Variants in GALNT6 observed in about 807,000 individuals in gnomAD.
The protein encoded by GALNT6 is polypeptide N-acetylgalactosaminyltransferase 6, also known as GalNAc transferase 6.
A neutral mutation model predicts 65.9 loss-of-function variants in GALNT6; 51 were observed. That is an observed-to-expected ratio of 0.77 (90% CI 0.62 to 0.98). GALNT6 has a LOEUF of 0.98. Among genes scored for constraint, GALNT6 ranks in the 50% least tolerant of loss-of-function variants. GALNT6 has a pLI of 0.00. For synonymous variants in GALNT6, 323 were observed against 315.1 expected, an observed-to-expected ratio of 1.02 and a Z score of -0.26; for missense variants, 708 against 803.3, an observed-to-expected ratio of 0.88 and a Z score of 1.43.
chr12:51,359,649 C>T, intron 7 of GALNT6: 1 of 229,526 alleles, frequency 4.4e-6, no homozygotes, highest in Non-Finnish European at 8.4e-6. Context: ...CTACTCTGAG[C>T]TCTGATCACT....
chr12:51,379,410 C>T lies in GALNT6; in HGVS notation c.372G>A (p.Lys124=). Residue 124 remains lysine, a synonymous_variant, in exon 3 of 12, where the codon AAG becomes AAA. Coordinates refer to ENST00000356317, the MANE Select transcript of GALNT6 (RefSeq NM_007210.4). ...GADGKAFQKS[K]WTPLETQEKE... ...TTTCCTGGGTCTCCAGGGGGGTCCA[C>T]TTGCTCTTCTGAAATGCTTTTCCAT... The T allele has an allele frequency of 6.2e-7, 1 of 1,609,134 alleles. No homozygotes were observed. The highest frequency in any genetic ancestry group is 8.5e-7 in the Non-Finnish European group (1 of 1,177,590).
intron 7 of GALNT6, among the ~76,000 whole-genome samples, chr12:51,360,492 C>G (rs577501175): frequency 2.0e-5 from 3 of 152,290 alleles, no homozygotes; most frequent in African/African-American, 7.2e-5. Context: ...TTCCTTGCCT[C>G]TGAGAAGTTG....
chr12:51,364,212 G>A lies in GALNT6; in HGVS notation c.958C>T (p.Arg320Ter), dbSNP rs760495034. 6 of 1,613,962 alleles carry A rather than the reference G, an allele frequency of 3.7e-6. No individual in the cohort carries two copies. The highest frequency in any genetic ancestry group is 2.7e-5 in the African/African-American group (2 of 74,908). The change falls in exon 6 of 12, where the codon CGA becomes TGA. Residue 320 changes from arginine (R) to a stop codon, truncating the protein, a stop_gained. Coordinates refer to ENST00000356317, the MANE Select transcript of GALNT6 (RefSeq NM_007210.4). LOFTEE classifies it high-confidence loss of function. ...KPVQRGRVHS[R>*]GNFDWSLTFG... The stretch of plus-strand genomic sequence containing the variant: ...GTCAGGCTCCAGTCAAAGTTGCCTC[G>A]GCTATGGACTCTGCCCCTCTGGACG...
chr12:51,375,417 A>C (rs1377026758), intron 4 of GALNT6, among the ~76,000 whole-genome samples: 3 of 152,144 alleles, frequency 2.0e-5, no homozygotes, highest in Non-Finnish European at 2.9e-5. Flanking sequence ...TACATACTCC[A>C]TGGTGCATTG....
chr12:51,374,324 A>G (rs1380677387), intron 4 of GALNT6, among the ~76,000 whole-genome samples: 1 of 151,596 alleles, frequency 6.6e-6, no homozygotes, highest in East Asian at 1.9e-4. Flanking sequence ...AAATACCACC[A>G]TGCCTGCTAA....
chr12:51,375,776 C>T (rs1198659685), intron 4 of GALNT6, among the ~76,000 whole-genome samples: 3 of 151,754 alleles, frequency 2.0e-5, no homozygotes, highest in East Asian at 1.9e-4. Flanking sequence ...CGGGCTGTCT[C>T]GAACTCCTGA....
intron 6 of GALNT6, among the ~76,000 whole-genome samples, chr12:51,361,780 T>C (rs1946931364): frequency 1.3e-5 from 2 of 151,908 alleles, no homozygotes; most frequent in Non-Finnish European, 2.9e-5. Flanking sequence ...CATCAGCTGC[T>C]GGTTTCTGTT....
In GALNT6 at chr12:51,367,244, C is replaced by T. The variant is rs186327037; in HGVS notation, c.665-1665G>A. 1.2e-4 allele frequency among the ~76,000 whole-genome samples: 18 copies of T among 151,718 alleles called. No homozygotes were observed. The East Asian group carries it at 1.9e-3, about 16-fold the overall frequency. On this transcript the variant is annotated intron_variant, in intron 4 of 11. Coordinates refer to ENST00000356317, the MANE Select transcript of GALNT6 (RefSeq NM_007210.4). ...TGCACTCCAGCCTGGGCAACAAGAGCGAAACTCCGTCTCAAAAAAACCAAA... is the reference window on the plus strand; with the variant it reads ...TGCACTCCAGCCTGGGCAACAAGAGTGAAACTCCGTCTCAAAAAAACCAAA...
Position 51,364,143 on chromosome 12 carries a change from T to C in GALNT6, c.1027A>G (p.Lys343Glu), listed in dbSNP as rs1241763865. Residue 343 changes from lysine to glutamate, a missense_variant, in exon 6 of 12, where the codon AAG becomes GAG. Physicochemically the swap from Lys to Glu is moderately conservative, Grantham distance 56 (BLOSUM62 1). Transcript: ENST00000356317. ...TACTTGATGGGGTAGGTTTCATCCT[T>C]GCGCCTCTGCTTCTCATGTGGAGGA... Reference protein sequence around the residue: ...TLPPHEKQRRKDETYPIKSPT... With the variant: ...TLPPHEKQRREDETYPIKSPT... The C allele has an allele frequency of 3.1e-6, 5 of 1,614,002 alleles. No individual in the cohort carries two copies. Among genetic ancestry groups the C allele is most frequent in the South Asian group, 1.1e-5 (1 of 91,078 alleles).
intron 10 of GALNT6, among the ~76,000 whole-genome samples, 191 bp downstream of exon 10, chr12:51,357,158 C>T (rs1017287322): frequency 3.3e-5 from 5 of 152,164 alleles, no homozygotes; most frequent in Admixed American, 3.3e-4. Flanking sequence ...ACACCCAGCA[C>T]CGATGCCTCG....
At chr12:51,356,867 T>G (rs1194995801) in intron 10 of GALNT6, among the ~76,000 whole-genome samples, 1 of 152,210 alleles carries the variant, frequency 6.6e-6, no homozygotes, top group East Asian at 1.9e-4. Context: ...CACCTACATA[T>G]GCCAGCGGGC....
chr12:51,384,942 A>G (rs1317335363), intron 2 of GALNT6, among the ~76,000 whole-genome samples: 1 of 152,100 alleles, frequency 6.6e-6, no homozygotes, highest in Admixed American at 6.6e-5. Context: ...GAAAATATCA[A>G]AGTGCATCAT....
At chr12:51,380,929 A>T (rs908062958) in intron 2 of GALNT6, among the ~76,000 whole-genome samples, 2 of 152,112 alleles carry the variant, frequency 1.3e-5, no homozygotes, top group African/African-American at 4.8e-5. Flanking sequence ...GGTGGACTGT[A>T]ATTCTTTAGA....
At position 51,365,431 on chromosome 12, in the gene GALNT6, G is replaced by A; in HGVS notation, c.813C>T (p.His271=). 1 of 1,609,096 alleles carries A rather than the reference G, an allele frequency of 6.2e-7. No individual in the cohort carries two copies. The highest frequency in any genetic ancestry group is 8.5e-7 in the Non-Finnish European group (1 of 1,177,816). The change falls in exon 5 of 12, where the codon CAC becomes CAT. Residue 271 remains histidine, a splice_region_variant and synonymous_variant. Coordinates refer to ENST00000356317, the MANE Select transcript of GALNT6 (RefSeq NM_007210.4). ...QAEVLTFLDA[H]CECFHGWLEP... is the part of the protein sequence containing the mutation. ...CCAGGCCGGTGCCCTGGTACTCACAGTGGGCATCCAGGAACGTGAGCACCT... is the reference window on the plus strand; with the variant it reads ...CCAGGCCGGTGCCCTGGTACTCACAATGGGCATCCAGGAACGTGAGCACCT...
intron 2 of GALNT6, among the ~76,000 whole-genome samples, chr12:51,385,109 C>T (rs1368011599): frequency 6.6e-6 from 1 of 152,072 alleles, no homozygotes; most frequent in Non-Finnish European, 1.5e-5. Flanking sequence ...CTACCTCAGC[C>T]TCTGGAGTAG....
In GALNT6 at chr12:51,353,759, G is replaced by GT. The variant is rs962165351; in HGVS notation, c.*619dup. On this transcript the variant is annotated 3_prime_UTR_variant, in exon 12 of 12. Coordinates refer to ENST00000356317, the MANE Select transcript of GALNT6 (RefSeq NM_007210.4). ...AGAAGTACTTTTCTTCTTCTTTTTT[G>GT]TTTTTTTTTGAGACAGAGTCTTACC... 3.1e-4 allele frequency: 47 copies of GT among 150,256 alleles called. No individual in the cohort carries two copies. The highest frequency in any genetic ancestry group is 7.0e-3 in the Middle Eastern group (2 of 286). The allele number at this position is 150,256 out of a possible 1,614,324, so 9.3% of individuals were successfully genotyped here. A position where few individuals can be genotyped will look rare whatever the true frequency, so the allele number is the denominator to read the frequency against.
Position 51,377,319 on chromosome 12 carries a change from G to C in GALNT6, c.540C>G (p.Ser180Arg), listed in dbSNP as rs765175362. The C allele has an allele frequency of 1.9e-6, 3 of 1,612,922 alleles. No homozygotes were observed. The highest frequency in any genetic ancestry group is 8.5e-7 in the Non-Finnish European group (1 of 1,179,994). ...CTTCGTTGTGGAACACAATGATCAC[G>C]CTGGTGGTGGCCAGTGGGGGGCAGC... ...FRRCPPLATTSVIIVFHNEAW... is the reference protein window; with the variant it reads ...FRRCPPLATTRVIIVFHNEAW... Residue 180 changes from serine (S) to arginine (R), a missense_variant, in exon 4 of 12, where the codon AGC (serine) becomes AGG (arginine). Physicochemically the swap from Ser to Arg is moderately radical, Grantham distance 110. Transcript: ENST00000356317.
At chr12:51,370,313 G>A (rs1051073789) in intron 4 of GALNT6, among the ~76,000 whole-genome samples, 3 of 152,226 alleles carry the variant, frequency 2.0e-5, no homozygotes, top group African/African-American at 4.8e-5. Flanking sequence ...GGGAGGCCAA[G>A]GTGGGTGGAT....
intron 8 of GALNT6, among the ~76,000 whole-genome samples, 200 bp downstream of exon 8, chr12:51,358,932 G>A (rs1192732350): frequency 6.6e-6 from 1 of 152,124 alleles, no homozygotes; most frequent in Admixed American, 6.6e-5. Context: ...GAGACTCTAT[G>A]CGTAGGGACA....
Sources: allele counts gnomAD v4.1 joint callset (sites outside exome capture counted in the v4.1 genomes callset), GRCh38; gene constraint gnomAD v4.1.1; transcripts MANE v1.5; gene names NCBI Gene and HGNC (gene_info 2026-07-23, HGNC 2026-07-21).